RNF24: variants seen among roughly 807,000 people sequenced by gnomAD.
The protein encoded by RNF24 is ring finger protein 24.
Under a neutral mutation model 20.0 loss-of-function variants are expected in RNF24, and 14 were observed. That is an observed-to-expected ratio of 0.70 (90% CI 0.46 to 1.10). RNF24 has a LOEUF of 1.10. RNF24 is among the 50% of genes least tolerant of loss of function. The pLI is 0.00. For synonymous variants in RNF24, 45 were observed against 61.1 expected (o/e 0.74, Z 1.23); for missense variants, 124 against 177.6 (o/e 0.70, Z 1.71).
intron 1 of RNF24, among the ~76,000 whole-genome samples, chr20:4,002,247 G>T (rs1399778868): frequency 6.6e-6 from 1 of 151,958 alleles, no homozygotes; most frequent in African/African-American, 2.4e-5. Context: ...TTAGCCCGGC[G>T]TGGTGGTGGG....
At chr20:4,013,360 G>T (rs1357257289) in intron 1 of RNF24, among the ~76,000 whole-genome samples, 1 of 152,070 alleles carries the variant, frequency 6.6e-6, no homozygotes, top group Admixed American at 6.5e-5. Context: ...AAATACATGT[G>T]ATTTTTAAAA....
In RNF24 at chr20:3,932,870, G is replaced by T; in HGVS notation, c.*1193C>A. Reference sequence around the variant, plus strand: ...GAAAAGTTGGACAGAAAGAGCCAAAGAGCAGCATGCGTTTCTCTCCTATAA... The same window carrying T: ...GAAAAGTTGGACAGAAAGAGCCAAATAGCAGCATGCGTTTCTCTCCTATAA... On this transcript the variant is annotated 3_prime_UTR_variant, in exon 6 of 6. Transcript: ENST00000358395. 5.0e-6 allele frequency: 2 copies of T among 398,486 alleles called. No individual in the cohort carries two copies. The highest frequency in any genetic ancestry group is 2.6e-4 in the South Asian group (2 of 7,750). The allele number at this position is 398,486 out of a possible 1,614,324, so 24.7% of individuals were successfully genotyped here. A position where few individuals can be genotyped will look rare whatever the true frequency, so the allele number is the denominator to read the frequency against.
intron 1 of RNF24, among the ~76,000 whole-genome samples, chr20:3,982,470 G>C (rs1424783537): frequency 1.3e-5 from 2 of 151,474 alleles, no homozygotes; most frequent in Non-Finnish European, 2.9e-5. Context: ...CCAGCTACTC[G>C]GGAGGTTGAG....
intron 1 of RNF24, among the ~76,000 whole-genome samples, chr20:4,001,716 G>A (rs939763909): frequency 6.6e-6 from 1 of 151,918 alleles, no homozygotes; most frequent in African/African-American, 2.4e-5. Context: ...TGGAAGGATC[G>A]CTTGAACCTA....
At chr20:3,962,206 A>G (rs6139257) in intron 2 of RNF24, among the ~76,000 whole-genome samples, 5,397 of 152,084 alleles carry the variant, frequency 0.035, 249 homozygotes, top group East Asian at 0.23. Flanking sequence ...TACAAAAAAA[A>G]TTGGCCAGGT....
intron 1 of RNF24, among the ~76,000 whole-genome samples, chr20:4,000,066 A>G (rs919882499): frequency 2.6e-5 from 4 of 152,172 alleles, no homozygotes; most frequent in African/African-American, 9.7e-5. Flanking sequence ...GAATAATGAT[A>G]ACTAAAATGT....
At chr20:3,998,343 G>A (rs1981062963) in intron 1 of RNF24, among the ~76,000 whole-genome samples, 5 of 152,052 alleles carry the variant, frequency 3.3e-5, no homozygotes, top group Admixed American at 3.3e-4. Context: ...GGGAGGCCAA[G>A]GTGGGTGGAT....
chr20:3,975,678 G>T (rs768380107), intron 1 of RNF24, among the ~76,000 whole-genome samples: 6 of 152,252 alleles, frequency 3.9e-5, no homozygotes, highest in Non-Finnish European at 7.4e-5. Context: ...ATGTAATTAA[G>T]AAGTTAAAGT....
At chr20:3,960,878 C>T (rs1240466444) in intron 2 of RNF24, among the ~76,000 whole-genome samples, 1 of 151,990 alleles carries the variant, frequency 6.6e-6, no homozygotes, top group Non-Finnish European at 1.5e-5. Flanking sequence ...AATGCAACCT[C>T]TGCCTCCAGG....
At chr20:3,939,484 T>G (rs560617421) in intron 4 of RNF24, among the ~76,000 whole-genome samples, 20 of 152,244 alleles carry the variant, frequency 1.3e-4, no homozygotes, top group Non-Finnish European at 2.5e-4. Flanking sequence ...CTTGGCACCC[T>G]TGTTGAAAAT....
intron 3 of RNF24, among the ~76,000 whole-genome samples, chr20:3,946,383 G>A (rs2091017257): frequency 6.6e-6 from 1 of 151,986 alleles, no homozygotes; most frequent in African/African-American, 2.4e-5. Context: ...GAGCCCAGGA[G>A]GCAGAGGTTG....
Position 3,948,284 on chromosome 20 carries a change from AAGAC to A in RNF24, c.144-9_144-6del, listed in dbSNP as rs1324752570. 3 of 1,574,256 alleles carry A rather than the reference AAGAC, an allele frequency of 1.9e-6. No individual in the cohort carries two copies. The highest frequency in any genetic ancestry group is 2.6e-6 in the Non-Finnish European group (3 of 1,161,312). On this transcript the variant is annotated splice_polypyrimidine_tract_variant and splice_region_variant and intron_variant, in intron 2 of 5. Transcript: ENST00000358395. The stretch of plus-strand genomic sequence containing the variant: ...TTGTGTGCTTGATGTCTTAGCCTAA[AAGAC>A]AGAAATTAGTAATGCAATATTGAGA...
chr20:3,996,219 A>G (rs1256378291), intron 1 of RNF24, among the ~76,000 whole-genome samples: 1 of 152,172 alleles, frequency 6.6e-6, no homozygotes, highest in Non-Finnish European at 1.5e-5. Context: ...CACTTAACCA[A>G]ACTCACAAGA....
At chr20:4,007,368 C>T (rs778907721) in intron 1 of RNF24, among the ~76,000 whole-genome samples, 8 of 152,076 alleles carry the variant, frequency 5.3e-5, no homozygotes, top group Non-Finnish European at 1.0e-4. Context: ...TCAGAATATA[C>T]TTCGTACTGC....
At position 3,930,478 on chromosome 20, in the gene RNF24, C is replaced by G. The variant is rs2090807259; in HGVS notation, c.*3585G>C. ...CAGGCTCTGGGCACCAGCTAACCCC[C>G]ACAAGAGGTGCCAGGGACGTTACTA... is the stretch of plus-strand genomic sequence containing the variant. On this transcript the variant is annotated 3_prime_UTR_variant, in exon 6 of 6. Transcript: ENST00000358395. 6.6e-6 allele frequency: 1 copy of G among 152,220 alleles called. No homozygotes were observed. Among genetic ancestry groups the G allele is most frequent in the Admixed American group, 6.5e-5 (1 of 15,280 alleles). 9.4% of individuals were successfully genotyped at this position (152,220 alleles called of 1,614,324 possible).
intron 4 of RNF24, among the ~76,000 whole-genome samples, chr20:3,936,242 C>T (rs1189351474): frequency 6.6e-6 from 1 of 152,170 alleles, no homozygotes; most frequent in Non-Finnish European, 1.5e-5. Context: ...GACTCAGCAT[C>T]CCTACCAAGA....
In RNF24 at chr20:3,944,209, C is replaced by CAAAAA. The variant is rs58334745; in HGVS notation, c.228+963_228+967dup. The stretch of plus-strand genomic sequence containing the variant: ...TGGATGACAGAGTAAGACCCCGTCT[C>CAAAAA]AAAAAAAAAAAAAAAAAAAAATCAA... On this transcript the variant is annotated intron_variant, in intron 4 of 5. Transcript: ENST00000358395. Among the ~76,000 whole-genome samples, 72 of 109,884 alleles carry CAAAAA rather than the reference C, an allele frequency of 6.6e-4. 1 individual carries two copies. Among genetic ancestry groups the CAAAAA allele is most frequent in the African/African-American group, 2.2e-3 (72 of 33,138 alleles). 72.1% of individuals were successfully genotyped at this position (109,884 alleles called of 152,430 possible).
intron 1 of RNF24, among the ~76,000 whole-genome samples, chr20:3,998,247 T>G (rs1981053016): frequency 6.6e-6 from 1 of 151,494 alleles, no homozygotes; most frequent in Admixed American, 6.6e-5. Flanking sequence ...GAGAGCAACC[T>G]GACCAACAAG....
In RNF24 at chr20:3,932,268, CA is replaced by C. The variant is rs1453251783; in HGVS notation, c.*1794del. 4 of 152,110 alleles carry C rather than the reference CA, an allele frequency of 2.6e-5. No individual in the cohort carries two copies. The highest frequency in any genetic ancestry group is 5.9e-5 in the Non-Finnish European group (4 of 68,016). 9.4% of individuals were successfully genotyped at this position (152,110 alleles called of 1,614,324 possible). A position where few individuals can be genotyped will look rare whatever the true frequency, so the allele number is the denominator to read the frequency against. On this transcript the variant is annotated 3_prime_UTR_variant, in exon 6 of 6. Transcript: ENST00000358395. The stretch of plus-strand genomic sequence containing the variant: ...TCTGTTGTGCTACAAATAGAGAATG[CA>C]AAAAGACGGTGAAAGTAGGAGTGCA...
Sources: allele counts gnomAD v4.1 joint callset (sites outside exome capture counted in the v4.1 genomes callset), GRCh38; gene constraint gnomAD v4.1.1; transcripts MANE v1.5; gene names NCBI Gene and HGNC (gene_info 2026-07-23, HGNC 2026-07-21).